The following BDP1 variants were observed in gnomAD, a reference collection of about 807,000 sequenced individuals.
BDP1 encodes the protein transcription factor TFIIIB component B'' homolog.
Under a neutral mutation model 266.6 loss-of-function variants are expected in BDP1, and 169 were observed. That is an observed-to-expected ratio of 0.63 (90% CI 0.56 to 0.72). The LOEUF (loss-of-function observed/expected upper bound fraction) is 0.72, where lower values mean the gene tolerates loss of function less well. Ranked by LOEUF, BDP1 falls within the 30% of genes least tolerant of loss-of-function variation. BDP1 has a pLI of 0.00. For missense variants in BDP1, 3,015 were observed against 3,053.8 expected (o/e 0.99, Z 0.30); for synonymous variants, 1,090 against 1,022.4 (o/e 1.07, Z -1.26).
intron 36 of BDP1, among the ~76,000 whole-genome samples, chr5:71,558,682 T>A (rs1401302672): frequency 1.3e-5 from 2 of 150,708 alleles, no homozygotes; most frequent in Non-Finnish European, 2.9e-5. Flanking sequence ...AAAAATAAGC[T>A]GGGCGTGGTG....
chr5:71,500,787 G>A (rs1379525226), intron 13 of BDP1, among the ~76,000 whole-genome samples: 4 of 151,466 alleles, frequency 2.6e-5, no homozygotes, highest in African/African-American at 9.7e-5. Context: ...TATTTAGTGT[G>A]ATTCCATTTT....
intron 7 of BDP1, among the ~76,000 whole-genome samples, chr5:71,471,118 A>C (rs1260136508): frequency 2.1e-5 from 3 of 145,492 alleles, no homozygotes; most frequent in African/African-American, 7.5e-5. Context: ...AATGTACCAG[A>C]GTACTTTGGT....
chr5:71,561,624 A>G (rs1381039783), intron 37 of BDP1, among the ~76,000 whole-genome samples: 1 of 152,198 alleles, frequency 6.6e-6, no homozygotes, highest in South Asian at 2.1e-4. Context: ...GCTGTGTTCC[A>G]GTAAAACATA....
At chr5:71,511,915 GACTT>G (rs1389979531) in intron 17 of BDP1, among the ~76,000 whole-genome samples, 2 of 151,800 alleles carry the variant, frequency 1.3e-5, no homozygotes, top group East Asian at 3.9e-4. Flanking sequence ...TGCCCCACCT[GACTT>G]ACTTCACTTC....
the BDP1 span, among the ~76,000 whole-genome samples, chr5:71,577,181 T>A: frequency 6.6e-6 from 1 of 152,226 alleles, no homozygotes; most frequent in Non-Finnish European, 1.5e-5. Flanking sequence ...TGTTAATCTG[T>A]CTGAGCCATG....
rs368885563 is a variant in BDP1, at chr5:71,512,272, A to C, written c.4091A>C (p.His1364Pro). The change falls in exon 18 of 39, where the codon CAT (histidine) becomes CCT (proline). Residue 1364 changes from histidine (H) to proline (P), a missense_variant. By Grantham distance (77) the His-to-Pro change is moderately conservative. This residue lies in a region of BDP1 where 2,383 missense variants were observed against 2,404.9 expected (regional missense o/e 0.99). Coordinates refer to ENST00000358731, the MANE Select transcript of BDP1 (RefSeq NM_018429.3). ...AGCAGTGAAGTACTGTCGATGATGC[A>C]TACACCTGTAGAAGAAAAAAGAAAT... The part of the protein sequence containing the change: ...NISSEVLSMM[H>P]TPVEEKRNSE... The C allele has an allele frequency of 6.4e-7, 1 of 1,574,404 alleles. No homozygotes were observed. Among genetic ancestry groups the C allele is most frequent in the Admixed American group, 2.0e-5 (1 of 50,500 alleles).
At chr5:71,573,380 G>A in the BDP1 span, among the ~76,000 whole-genome samples, 1 of 152,206 alleles carries the variant, frequency 6.6e-6, no homozygotes, top group East Asian at 1.9e-4. Flanking sequence ...ACGCTCTGCT[G>A]CCATAGCTGG....
chr5:71,524,188 C>A lies in BDP1; in HGVS notation c.5637C>A (p.Asp1879Glu). ...RASQEEDDDA[D>E]DFESDYEEES... is the part of the protein sequence containing the mutation. ...CCCAGGAAGAAGATGATGATGCTGA[C>A]GATTTTGAGTCTGACTATGAGGAAG... The change falls in exon 25 of 39, where the codon GAC becomes GAA. Residue 1879 changes from aspartate to glutamate, a missense_variant. This residue lies in a region of BDP1 where 2,383 missense variants were observed against 2,404.9 expected (regional missense o/e 0.99). Coordinates refer to ENST00000358731, the MANE Select transcript of BDP1 (RefSeq NM_018429.3). 6.2e-7 allele frequency: 1 copy of A among 1,614,142 alleles called. No individual in the cohort carries two copies. Among genetic ancestry groups the A allele is most frequent in the Non-Finnish European group, 8.5e-7 (1 of 1,180,038 alleles).
chr5:71,497,462 T>G, intron 13 of BDP1, 36 bp downstream of exon 13: 1 of 1,538,454 alleles, frequency 6.5e-7, no homozygotes, highest in Non-Finnish European at 8.8e-7. Context: ...ATTAAAATTA[T>G]AAAAATTTTC....
intron 12 of BDP1, among the ~76,000 whole-genome samples, chr5:71,496,027 G>A (rs918229532): frequency 2.0e-5 from 3 of 152,016 alleles, no homozygotes; most frequent in African/African-American, 7.2e-5. Flanking sequence ...CGGATCAGGA[G>A]GTCAGGAGAT....
At chr5:71,562,212 A>G in intron 37 of BDP1, 62 bp from the exon 38 acceptor site, 1 of 1,243,008 alleles carries the variant, frequency 8.0e-7, no homozygotes, top group South Asian at 1.7e-5. Flanking sequence ...AAAAAAAAAA[A>G]AAAAAAAAAA....
In BDP1 at chr5:71,486,094, A is replaced by G. The variant is rs1763242657; in HGVS notation, c.1070-390A>G. On this transcript the variant is annotated intron_variant, in intron 8 of 38. Transcript: ENST00000358731. ...TAGAATATCTTATACATGGTATCAT[A>G]TAGTATGTACCCTAGTATCTGTTTT... Among the ~76,000 whole-genome samples, 3 of 152,304 alleles carry G rather than the reference A, an allele frequency of 2.0e-5. No individual in the cohort carries two copies. In the South Asian group the frequency reaches 6.2e-4, roughly 32 times the overall value.
At chr5:71,461,953 T>TAA in intron 3 of BDP1, 27 bp downstream of exon 3, 4 of 870,842 alleles carry the variant, frequency 4.6e-6, no homozygotes, top group Non-Finnish European at 5.6e-6. Flanking sequence ...TCTGCTTTAC[T>TAA]ATCTCTTTTT....
intron 26 of BDP1, among the ~76,000 whole-genome samples, chr5:71,538,229 A>AT (rs1766753533): frequency 1.3e-5 from 2 of 152,084 alleles, no homozygotes; most frequent in South Asian, 4.1e-4. Context: ...TTTATTGGTG[A>AT]TTTTTATGTC....
chr5:71,496,636 GC>G (rs1763911660), intron 12 of BDP1, among the ~76,000 whole-genome samples: 1 of 152,130 alleles, frequency 6.6e-6, no homozygotes, highest in Admixed American at 6.5e-5. Flanking sequence ...AGGCTGGAGT[GC>G]AGTGGCACCA....
rs1273209067 is a variant in BDP1, at chr5:71,539,598, A to G, written c.5971A>G (p.Thr1991Ala). 6.2e-7 allele frequency: 1 copy of G among 1,612,716 alleles called. No homozygotes were observed. Among genetic ancestry groups the G allele is most frequent in the East Asian group, 2.2e-5 (1 of 44,792 alleles). Residue 1991 changes from threonine to alanine, a missense_variant, in exon 28 of 39, where the codon ACA becomes GCA. Thr to Ala is a moderately conservative substitution (Grantham distance 58). This residue lies in a region of BDP1 where 2,383 missense variants were observed against 2,404.9 expected (regional missense o/e 0.99). Coordinates refer to ENST00000358731, the MANE Select transcript of BDP1 (RefSeq NM_018429.3). ...GSTEAAITLL[T>A]MGDLVLQSEI... is the part of the protein sequence containing the mutation. The stretch of plus-strand genomic sequence containing the variant: ...CACCGAAGCTGCAATAACTTTACTT[A>G]CAATGGGAGATCTAGTATTGCAGTC...
chr5:71,502,860 C>T lies in BDP1; in HGVS notation c.2241+69C>T, dbSNP rs1764337354. 2.6e-6 allele frequency: 3 copies of T among 1,144,240 alleles called. No homozygotes were observed. The South Asian group carries it at 4.2e-5, about 16-fold the overall frequency. The allele number at this position is 1,144,240 out of a possible 1,614,324, so 70.9% of individuals were successfully genotyped here. A position where few individuals can be genotyped will look rare whatever the true frequency, so the allele number is the denominator to read the frequency against. The stretch of plus-strand genomic sequence containing the variant: ...ATGAGCCTTAATATAAGCTTCCCTT[C>T]ACCCACATACTTACATACATACATA... On this transcript the variant is annotated intron_variant, in intron 15 of 38. Transcript: ENST00000358731.
intron 26 of BDP1, among the ~76,000 whole-genome samples, chr5:71,536,354 T>TA: frequency 6.6e-6 from 1 of 152,212 alleles, no homozygotes; most frequent in Non-Finnish European, 1.5e-5. Context: ...GATAAACTGT[T>TA]ACATACTTCC....
intron 4 of BDP1, among the ~76,000 whole-genome samples, chr5:71,465,879 T>TA (rs71612562): frequency 2.1e-4 from 31 of 146,754 alleles, no homozygotes; most frequent in South Asian, 6.4e-4. Flanking sequence ...AAACTCCATC[T>TA]AAAAAAAAAA....
Sources: allele counts gnomAD v4.1 joint callset (sites outside exome capture counted in the v4.1 genomes callset), GRCh38; gene constraint gnomAD v4.1.1; regional missense constraint gnomAD v4.1.1; transcripts MANE v1.5; gene names NCBI Gene and HGNC (gene_info 2026-07-23, HGNC 2026-07-21).